BCO1: variants seen among roughly 807,000 people sequenced by gnomAD.
BCO1 encodes the protein beta,beta-carotene 15,15'-dioxygenase.
A neutral mutation model predicts 56.3 loss-of-function variants in BCO1; 54 were observed. The ratio of observed to expected loss-of-function variants is 0.96; its 90% confidence interval spans 0.77 to 1.20. BCO1 has a LOEUF of 1.20. BCO1 is among the 50% of genes most tolerant of loss of function. The probability of loss-of-function intolerance (pLI) is 0.00; values close to 1 mark genes in which losing one functional copy is unlikely to be tolerated. For synonymous variants in BCO1, 318 were observed against 266.1 expected, an observed-to-expected ratio of 1.20 and a Z score of -1.90; for missense variants, 801 against 690.9, an observed-to-expected ratio of 1.16 and a Z score of -1.79.
intron 7 of BCO1, among the ~76,000 whole-genome samples, chr16:81,279,940 A>G (rs893204172): frequency 2.0e-5 from 3 of 152,066 alleles, no homozygotes; most frequent in African/African-American, 4.8e-5. Flanking sequence ...AGTCCCCCCA[A>G]TCCCATCATC....
At chr16:81,248,338 G>A (rs1023777552) in intron 2 of BCO1, among the ~76,000 whole-genome samples, 8 of 145,110 alleles carry the variant, frequency 5.5e-5, no homozygotes, top group Admixed American at 7.2e-5. Flanking sequence ...GGGAGGCAGC[G>A]GTTGCAGTGA....
At chr16:81,245,031 C>A in intron 1 of BCO1, among the ~76,000 whole-genome samples, 1 of 152,268 alleles carries the variant, frequency 6.6e-6, no homozygotes, top group Non-Finnish European at 1.5e-5. Context: ...GCTGGGATTA[C>A]AGGCGCTCAC....
chr16:81,251,181 A>G (rs1346071697), intron 2 of BCO1, among the ~76,000 whole-genome samples: 3 of 152,182 alleles, frequency 2.0e-5, no homozygotes, highest in South Asian at 4.1e-4. Flanking sequence ...AACTTAGAGA[A>G]AAGACTTTGG....
chr16:81,265,202 C>A (rs967063656), intron 5 of BCO1, among the ~76,000 whole-genome samples: 4 of 151,442 alleles, frequency 2.6e-5, no homozygotes, highest in African/African-American at 4.9e-5. Context: ...TCCACCTATC[C>A]ATCACCCATC....
chr16:81,256,242 A>G (rs1906130129), intron 2 of BCO1, among the ~76,000 whole-genome samples: 1 of 152,108 alleles, frequency 6.6e-6, no homozygotes, highest in South Asian at 2.1e-4. Flanking sequence ...CTGGTGCTCA[A>G]TCGATGCTGG....
chr16:81,261,113 G>A (rs1416434679), intron 3 of BCO1, among the ~76,000 whole-genome samples: 1 of 152,170 alleles, frequency 6.6e-6, no homozygotes, highest in Non-Finnish European at 1.5e-5. Flanking sequence ...TGAGAAAGGA[G>A]GAGGAAAGAG....
intron 7 of BCO1, among the ~76,000 whole-genome samples, chr16:81,274,354 C>G (rs1329644946): frequency 6.6e-6 from 1 of 151,350 alleles, no homozygotes; most frequent in Non-Finnish European, 1.5e-5. Flanking sequence ...AGCTCCGCCT[C>G]CCGGGTTCAC....
At chr16:81,262,343 G>T (rs753414853) in intron 4 of BCO1, 60 bp downstream of exon 4, 2 of 1,569,916 alleles carry the variant, frequency 1.3e-6, no homozygotes, top group Non-Finnish European at 1.8e-6. Flanking sequence ...AGTCGGCGAC[G>T]GCCGGGGTGA....
chr16:81,253,227 C>T (rs1905919253), intron 2 of BCO1, among the ~76,000 whole-genome samples: 1 of 152,082 alleles, frequency 6.6e-6, no homozygotes, highest in Non-Finnish European at 1.5e-5. Flanking sequence ...CCAAGGTCAC[C>T]CAACCTGGAT....
At chr16:81,282,589 G>C (rs867400535) in intron 8 of BCO1, among the ~76,000 whole-genome samples, 2 of 151,780 alleles carry the variant, frequency 1.3e-5, no homozygotes, top group Non-Finnish European at 2.9e-5. Flanking sequence ...CATTCCCCTG[G>C]AGTCTTTAGA....
chr16:81,283,934 C>G (rs1274060739), intron 8 of BCO1, among the ~76,000 whole-genome samples: 1 of 151,732 alleles, frequency 6.6e-6, no homozygotes, highest in Non-Finnish European at 1.5e-5. Context: ...ACCTGTAATC[C>G]CAGCACTTTG....
At chr16:81,244,922 C>T (rs574867660) in intron 1 of BCO1, among the ~76,000 whole-genome samples, 1 of 151,916 alleles carries the variant, frequency 6.6e-6, no homozygotes, top group African/African-American at 2.4e-5. Flanking sequence ...CAGAGTTTCG[C>T]TCTTGTTGCC....
At chr16:81,241,672 C>G (rs192273213) in intron 1 of BCO1, among the ~76,000 whole-genome samples, 2 of 152,200 alleles carry the variant, frequency 1.3e-5, no homozygotes, top group African/African-American at 2.4e-5. Context: ...TCCCTATTGA[C>G]AGATGGGAAA....
At position 81,238,845 on chromosome 16, in the gene BCO1, C is replaced by T; in HGVS notation, c.-64C>T. 2.1e-6 allele frequency: 3 copies of T among 1,418,622 alleles called. No individual in the cohort carries two copies. The East Asian group carries it at 6.8e-5, about 32-fold the overall frequency. 87.9% of individuals were successfully genotyped at this position (1,418,622 alleles called of 1,614,324 possible). On this transcript the variant is annotated 5_prime_UTR_variant, in exon 1 of 11. Coordinates refer to ENST00000258168, the MANE Select transcript of BCO1 (RefSeq NM_017429.3). ...GAAACGCAGGAGGAGGGAGCAGCAT[C>T]TCCTGTGAACACAGAGGAGCACCTG...
intron 3 of BCO1, among the ~76,000 whole-genome samples, chr16:81,260,308 GAAA>G (rs375264968): frequency 1.5e-5 from 2 of 131,250 alleles, no homozygotes; most frequent in Non-Finnish European, 3.2e-5. Flanking sequence ...AGACTAAGTG[GAAA>G]AAAAAAAAAA....
At chr16:81,239,045 C>G (rs1904994579) in intron 1 of BCO1, 73 bp downstream of exon 1, 12 of 1,329,684 alleles carry the variant, frequency 9.0e-6, no homozygotes, top group Non-Finnish European at 1.2e-5. Context: ...GAGGCGGAGT[C>G]TCGCTCTGTC....
chr16:81,280,735 T>C, intron 7 of BCO1, 122 bp from the exon 8 acceptor site: 1 of 740,540 alleles, frequency 1.4e-6, no homozygotes. Flanking sequence ...TTCCTATGAT[T>C]AATGTGAGGC....
chr16:81,259,451 A>C (rs576070597), intron 2 of BCO1, among the ~76,000 whole-genome samples: 6 of 152,286 alleles, frequency 3.9e-5, no homozygotes, highest in African/African-American at 1.4e-4. Flanking sequence ...CCGAGATCGC[A>C]CCATTATATT....
chr16:81,270,356 C>G lies in BCO1; in HGVS notation c.1041C>G (p.Asn347Lys). 1.2e-6 allele frequency: 2 copies of G among 1,614,122 alleles called. No individual in the cohort carries two copies. Among genetic ancestry groups the G allele is most frequent in the Non-Finnish European group, 1.7e-6 (2 of 1,180,034 alleles). ...LANLNQDFKE[N>K]SRLTSVPTLR... ...ACCTGAACCAGGACTTCAAGGAGAACTCCAGGCTCACCTCGGTCCCCACCC... is the reference window on the plus strand; with the variant it reads ...ACCTGAACCAGGACTTCAAGGAGAAGTCCAGGCTCACCTCGGTCCCCACCC... The change falls in exon 7 of 11, where the codon AAC becomes AAG. Residue 347 changes from asparagine to lysine, a missense_variant. Coordinates refer to ENST00000258168, the MANE Select transcript of BCO1 (RefSeq NM_017429.3).
Sources: allele counts gnomAD v4.1 joint callset (sites outside exome capture counted in the v4.1 genomes callset), GRCh38; gene constraint gnomAD v4.1.1; transcripts MANE v1.5; gene names NCBI Gene and HGNC (gene_info 2026-07-23, HGNC 2026-07-21).